The following COLEC10 variants were observed in gnomAD, a reference collection of about 807,000 sequenced individuals.
The protein encoded by COLEC10 is collectin-10.
In COLEC10, 22 loss-of-function variants were observed where a neutral mutation model predicts 28.4. That is an observed-to-expected ratio of 0.78 (90% CI 0.55 to 1.11). The LOEUF is 1.11. Ranked by LOEUF, COLEC10 falls within the 50% of genes least tolerant of loss-of-function variation. The probability of loss-of-function intolerance (pLI) is 0.00; values close to 1 mark genes in which losing one functional copy is unlikely to be tolerated. For synonymous variants in COLEC10, 125 were observed against 116.1 expected, an observed-to-expected ratio of 1.08 and a Z score of -0.49; for missense variants, 361 against 344.1, an observed-to-expected ratio of 1.05 and a Z score of -0.39.
intron 1 of COLEC10, among the ~76,000 whole-genome samples, chr8:119,008,305 T>C (rs117017396): frequency 6.7e-4 from 101 of 150,942 alleles, no homozygotes; most frequent in Non-Finnish European, 1.1e-3. Flanking sequence ...TGGTGAATGC[T>C]GGAAAGTCCC....
intron 2 of COLEC10, among the ~76,000 whole-genome samples, chr8:119,042,748 T>C (rs1437781742): frequency 6.6e-6 from 1 of 152,218 alleles, no homozygotes; most frequent in Non-Finnish European, 1.5e-5. Context: ...AGTCTCTTCA[T>C]CTATGTAATG....
intron 1 of COLEC10, among the ~76,000 whole-genome samples, chr8:118,999,446 C>G (rs1296954409): frequency 6.6e-6 from 1 of 151,970 alleles, no homozygotes; most frequent in Non-Finnish European, 1.5e-5. Flanking sequence ...CAAAAATTAG[C>G]CAGGCATGGT....
intron 2 of COLEC10, among the ~76,000 whole-genome samples, chr8:119,060,585 A>C (rs1408004071): frequency 3.3e-5 from 5 of 152,146 alleles, no homozygotes; most frequent in African/African-American, 4.8e-5. Flanking sequence ...AAAAGAAAGT[A>C]AGAACAGTGA....
chr8:119,047,262 A>G (rs1814602103), intron 2 of COLEC10, among the ~76,000 whole-genome samples: 1 of 152,228 alleles, frequency 6.6e-6, no homozygotes, highest in Non-Finnish European at 1.5e-5. Flanking sequence ...AAACTGGTTT[A>G]CCACTTTAAC....
At chr8:118,981,291 G>A in the COLEC10 span, among the ~76,000 whole-genome samples, 1 of 151,846 alleles carries the variant, frequency 6.6e-6, no homozygotes, top group African/African-American at 2.4e-5. Flanking sequence ...CAGAATCATG[G>A]GCACCAAACT....
At chr8:119,048,487 A>G (rs1345531666) in intron 2 of COLEC10, among the ~76,000 whole-genome samples, 1 of 152,188 alleles carries the variant, frequency 6.6e-6, no homozygotes, top group African/African-American at 2.4e-5. Context: ...GTCTTTTTAT[A>G]GGTGAAGAAC....
Position 119,031,335 on chromosome 8 carries a change from G to T in COLEC10, n.235+21782G>T, listed in dbSNP as rs79213984. ...ACATCAACCCTCTGGCCAAGAAAAT[G>T]ACAATTACAGGAGGAAAGAGACAAG... On this transcript the variant is annotated intron_variant and non_coding_transcript_variant, in intron 2 of 6. Coordinates refer to the COLEC10 transcript ENST00000521788. 2.6e-3 allele frequency among the ~76,000 whole-genome samples: 390 copies of T among 152,256 alleles called. 3 individuals are homozygous for T. Among genetic ancestry groups the T allele is most frequent in the African/African-American group, 9.0e-3 (376 of 41,550 alleles).
At chr8:119,027,719 T>G (rs142110442) in intron 2 of COLEC10, among the ~76,000 whole-genome samples, 14 of 152,342 alleles carry the variant, frequency 9.2e-5, no homozygotes, top group Admixed American at 2.0e-4. Context: ...ACAGTTAAAA[T>G]ATCTTCTTTT....
chr8:119,010,689 T>C (rs1813887689), intron 2 of COLEC10, among the ~76,000 whole-genome samples: 1 of 151,176 alleles, frequency 6.6e-6, no homozygotes, highest in South Asian at 2.1e-4. Flanking sequence ...CTGGATTTCA[T>C]CCATTCAAAT....
chr8:118,962,031 A>G, the COLEC10 span, among the ~76,000 whole-genome samples: 1 of 152,184 alleles, frequency 6.6e-6, no homozygotes, highest in African/African-American at 2.4e-5. Flanking sequence ...TGCATGACCT[A>G]AAAGCCAACA....
At chr8:118,996,733 G>A (rs1035561744) in intron 1 of COLEC10, among the ~76,000 whole-genome samples, 6 of 152,118 alleles carry the variant, frequency 3.9e-5, no homozygotes, top group African/African-American at 9.7e-5. Flanking sequence ...AGGTTTAATC[G>A]GCTCATGGTT....
the COLEC10 span, among the ~76,000 whole-genome samples, chr8:118,969,074 G>A: frequency 6.6e-6 from 1 of 151,972 alleles, no homozygotes. Context: ...CAATTACAAG[G>A]ATCTCTATAA....
intron 3 of COLEC10, among the ~76,000 whole-genome samples, chr8:119,096,287 G>A (rs1815715275): frequency 6.6e-6 from 1 of 152,146 alleles, no homozygotes. Context: ...ACAAATTGAA[G>A]TCTATCAAAA....
intron 3 of COLEC10, among the ~76,000 whole-genome samples, chr8:119,094,748 T>C (rs1179508514): frequency 6.6e-6 from 1 of 152,178 alleles, no homozygotes; most frequent in African/African-American, 2.4e-5. Flanking sequence ...TATTCCCAGT[T>C]AGAACTCCAG....
intron 2 of COLEC10, among the ~76,000 whole-genome samples, chr8:119,038,191 T>C (rs1018210523): frequency 6.6e-6 from 1 of 152,252 alleles, no homozygotes; most frequent in Admixed American, 6.5e-5. Flanking sequence ...GAGATCAACC[T>C]GGGCTCAAAT....
At chr8:118,991,328 C>T (rs571953174), upstream of COLEC10, among the ~76,000 whole-genome samples, 1 of 152,150 alleles carries the variant, frequency 6.6e-6, no homozygotes, top group Non-Finnish European at 1.5e-5. Flanking sequence ...AACTAGTACC[C>T]ATTTCATCAA....
In COLEC10 at chr8:119,024,320, GA is replaced by G. The variant is rs201909949; in HGVS notation, n.235+14774del. Among the ~76,000 whole-genome samples the G allele has an allele frequency of 7.5e-3, 1,146 of 152,056 alleles. 4 individuals are homozygous for G. Among genetic ancestry groups the G allele is most frequent in the Non-Finnish European group, 0.013 (886 of 67,936 alleles). On this transcript the variant is annotated intron_variant and non_coding_transcript_variant, in intron 2 of 6. Transcript: ENST00000521788. ...GAAAAGTGGAAGTGGAATAAAATAGGAAAAAAACGTACTTTAAAATTATTTT... is the reference window on the plus strand; with the variant it reads ...GAAAAGTGGAAGTGGAATAAAATAGGAAAAAACGTACTTTAAAATTATTTT...
In COLEC10 at chr8:119,067,370, T is replaced by C. The variant is rs912401769; in HGVS notation, c.89T>C (p.Ile30Thr). The C allele has an allele frequency of 3.1e-6, 5 of 1,613,988 alleles. No homozygotes were observed. The highest frequency in any genetic ancestry group is 1.3e-5 in the African/African-American group (1 of 74,928). Residue 30 changes from isoleucine (I) to threonine (T), a missense_variant, in exon 1 of 6, where the codon ATT becomes ACT. By Grantham distance (89) the Ile-to-Thr change is moderately conservative. Coordinates refer to ENST00000332843, the MANE Select transcript of COLEC10 (RefSeq NM_006438.5). ...CAAATTCAGAGTCTGGGTCTGGATA[T>C]TGATAGCCGTCCTACCGCTGAAGTC... ...LLQIQSLGLD[I>T]DSRPTAEVCA...
In COLEC10 at chr8:119,106,255, CT is replaced by C; in HGVS notation, c.*71del. Reference sequence around the variant, plus strand: ...GTCATTACAGTTATTGTTATCCATCCTTTTTTTCCTGATTGTACTACATTTG... The same window carrying C: ...GTCATTACAGTTATTGTTATCCATCCTTTTTTCCTGATTGTACTACATTTG... On this transcript the variant is annotated 3_prime_UTR_variant, in exon 6 of 6. Coordinates refer to ENST00000332843, the MANE Select transcript of COLEC10 (RefSeq NM_006438.5). 9 of 1,490,706 alleles carry C rather than the reference CT, an allele frequency of 6.0e-6. No individual in the cohort carries two copies. The highest frequency in any genetic ancestry group is 1.3e-5 in the South Asian group (1 of 77,348). 92.3% of individuals were successfully genotyped at this position (1,490,706 alleles called of 1,614,324 possible).
Sources: gnomAD v4.1 joint callset for allele counts (sites outside exome capture counted in the v4.1 genomes callset) on GRCh38, gnomAD v4.1.1 for gene constraint, MANE v1.5 for transcripts, NCBI Gene and HGNC (gene_info 2026-07-23, HGNC 2026-07-21) for gene names.